Variants in KCNN3 observed in about 807,000 individuals in gnomAD.
The protein encoded by KCNN3 is small conductance calcium-activated potassium channel protein 3.
In KCNN3, 16 loss-of-function variants were observed where a neutral mutation model predicts 62.9. The ratio of observed to expected loss-of-function variants is 0.25; its 90% CI spans 0.17 to 0.39. The LOEUF is 0.39. Among genes scored for constraint, KCNN3 ranks in the 10% least tolerant of loss-of-function variants. The probability of loss-of-function intolerance (pLI) is 1.00; values close to 1 mark genes in which losing one functional copy is unlikely to be tolerated. For synonymous variants in KCNN3, 370 were observed against 389.2 expected, an observed-to-expected ratio of 0.95 and a Z score of 0.58; for missense variants, 599 against 949.4, an observed-to-expected ratio of 0.63 and a Z score of 4.85.
chr1:154,749,880 A>G (rs967200534), intron 3 of KCNN3, among the ~76,000 whole-genome samples: 8 of 152,140 alleles, frequency 5.3e-5, no homozygotes, highest in African/African-American at 1.7e-4. Context: ...CTCCCGGACC[A>G]CAAGCAGCCT....
At chr1:154,714,612 G>GTGTGTGGGTGTGT (rs1553227050) in intron 6 of KCNN3, among the ~76,000 whole-genome samples, 2 of 24,858 alleles carry the variant, frequency 8.0e-5, no homozygotes, top group East Asian at 2.5e-3. Flanking sequence ...TGTGGTGTGT[G>GTGTGTGGGTGTGT]GTGTGTGTGT....
At chr1:154,805,495 CAG>C (rs1650134488) in intron 2 of KCNN3, among the ~76,000 whole-genome samples, 1 of 152,202 alleles carries the variant, frequency 6.6e-6, no homozygotes, top group African/African-American at 2.4e-5. Flanking sequence ...AGCACTGGTT[CAG>C]AGTTTATGCA....
In KCNN3 at chr1:154,772,511, C is replaced by G; in HGVS notation, c.1030-118G>C. The G allele has an allele frequency of 1.1e-6, 1 of 916,656 alleles. No individual in the cohort carries two copies. Among genetic ancestry groups the G allele is most frequent in the Admixed American group, 2.0e-5 (1 of 50,340 alleles). The allele number at this position is 916,656 out of a possible 1,614,324, so 56.8% of individuals were successfully genotyped here. ...GCTGGGCTCAGGTCAGCCTGACCAC[C>G]TCAGCATGCTCTTTAGGGGCCTTGC... On this transcript the variant is annotated intron_variant, in intron 2 of 7. Transcript: ENST00000271915. The surrounding 1 kb of genome is among the most constrained non-coding windows in gnomAD (Gnocchi z 5.6).
intron 1 of KCNN3, among the ~76,000 whole-genome samples, chr1:154,828,320 T>C (rs890945814): frequency 9.2e-5 from 14 of 151,490 alleles, no homozygotes; most frequent in African/African-American, 1.9e-4. Context: ...AAACAGGTCA[T>C]AGGGACATGT....
chr1:154,724,219 T>C (rs1341436831), intron 5 of KCNN3, among the ~76,000 whole-genome samples: 1 of 152,222 alleles, frequency 6.6e-6, no homozygotes, highest in African/African-American at 2.4e-5. Context: ...CGCTGCACAC[T>C]CTCCCACTGC....
intron 1 of KCNN3, among the ~76,000 whole-genome samples, chr1:154,856,315 G>A (rs947054627): frequency 9.9e-5 from 15 of 152,276 alleles, no homozygotes; most frequent in African/African-American, 2.2e-4. Flanking sequence ...CCTTAGCCAC[G>A]ATGTCTTCAC....
chr1:154,785,542 G>T (rs2101855624), intron 2 of KCNN3, among the ~76,000 whole-genome samples: 1 of 141,684 alleles, frequency 7.1e-6, no homozygotes, highest in African/African-American at 2.7e-5. Flanking sequence ...AGTCCAACTT[G>T]TTGGCTGGGG....
At chr1:154,723,521 C>T (rs1003038756) in intron 5 of KCNN3, among the ~76,000 whole-genome samples, 1 of 152,194 alleles carries the variant, frequency 6.6e-6, no homozygotes, top group African/African-American at 2.4e-5. Flanking sequence ...GTCTCATCTT[C>T]TACAATTATA....
intron 2 of KCNN3, among the ~76,000 whole-genome samples, chr1:154,792,682 G>A (rs192231103): frequency 3.8e-4 from 58 of 152,324 alleles, no homozygotes; most frequent in Non-Finnish European, 8.1e-4. Context: ...CGGAAAGAGA[G>A]AGAATTTGAG....
rs1470254610 is a variant in KCNN3 at position 154,870,067 on chromosome 1, C to T, written c.-103G>A. 3 of 1,343,720 alleles carry T rather than the reference C, an allele frequency of 2.2e-6. No individual in the cohort carries two copies. Among genetic ancestry groups the T allele is most frequent in the Non-Finnish European group, 3.1e-6 (3 of 957,906 alleles). 83.2% of individuals were successfully genotyped at this position (1,343,720 alleles called of 1,614,324 possible). The stretch of plus-strand genomic sequence containing the variant: ...AAGCCAGGCATCCAATCTCCCCCAC[C>T]AGTATCTTGGCTCCAGTCCTCTCTT... On this transcript the variant is annotated 5_prime_UTR_variant, in exon 1 of 8. Coordinates refer to ENST00000271915, the MANE Select transcript of KCNN3 (RefSeq NM_002249.6).
Position 154,760,439 on chromosome 1 carries a change from TCG to T in KCNN3, c.1448+11534_1448+11535del, listed in dbSNP as rs1345407818. 5.3e-5 allele frequency among the ~76,000 whole-genome samples: 8 copies of T among 150,834 alleles called. 1 individual carries two copies. In the South Asian group the frequency reaches 1.7e-3, roughly 32 times the overall value. ...AGGTGAAATCAGAATGGGATCCCAC[TCG>T]AGACAGGAGCCAGGAGCTAGCAGCA... On this transcript the variant is annotated intron_variant, in intron 3 of 7. Transcript: ENST00000271915.
At chr1:154,714,331 TG>T (rs1700169235) in intron 6 of KCNN3, among the ~76,000 whole-genome samples, 1 of 25,478 alleles carries the variant, frequency 3.9e-5, no homozygotes, top group African/African-American at 1.7e-4. Context: ...TGTGTGTGTG[TG>T]GTGTTTGTGT....
At chr1:154,754,953 A>G (rs1557958791) in intron 3 of KCNN3, among the ~76,000 whole-genome samples, 1 of 152,344 alleles carries the variant, frequency 6.6e-6, no homozygotes, top group East Asian at 1.9e-4. Flanking sequence ...GTGGGACATC[A>G]GTACAGGAGA....
At chr1:154,771,811 C>T in intron 3 of KCNN3, 164 bp downstream of exon 3, 5 of 748,354 alleles carry the variant, frequency 6.7e-6, no homozygotes, top group Non-Finnish European at 1.2e-5. Context: ...CTAGCTCATA[C>T]TGAACCCCAA....
chr1:154,835,186 C>A (rs1221554147), intron 1 of KCNN3, among the ~76,000 whole-genome samples: 6 of 152,178 alleles, frequency 3.9e-5, no homozygotes, highest in South Asian at 2.1e-4. Context: ...TCGAGGGTTC[C>A]CACGGGCTTA....
At chr1:154,714,432 G>A (rs1457207738) in intron 6 of KCNN3, among the ~76,000 whole-genome samples, 2 of 135,008 alleles carry the variant, frequency 1.5e-5, no homozygotes, top group Admixed American at 7.7e-5. Context: ...GATGTGTGGT[G>A]TGTGGGGGGT....
At chr1:154,786,704 A>G (rs1454594302) in intron 2 of KCNN3, among the ~76,000 whole-genome samples, 4 of 152,222 alleles carry the variant, frequency 2.6e-5, no homozygotes, top group African/African-American at 9.6e-5. Context: ...AATTGTTAAC[A>G]CTGGTACTAC....
intron 7 of KCNN3, among the ~76,000 whole-genome samples, chr1:154,711,239 A>G (rs989171003): frequency 8.7e-5 from 13 of 150,186 alleles, no homozygotes; most frequent in Non-Finnish European, 1.3e-4. Context: ...AAACTATCGC[A>G]AGGACAAAAA....
chr1:154,775,116 T>C (rs1557969751), intron 2 of KCNN3, among the ~76,000 whole-genome samples: 1 of 152,194 alleles, frequency 6.6e-6, no homozygotes, highest in African/African-American at 2.4e-5. Flanking sequence ...CCCAACTGTC[T>C]CCTTGATGGT....
Sources: allele counts gnomAD v4.1 joint callset (sites outside exome capture counted in the v4.1 genomes callset), GRCh38; gene constraint gnomAD v4.1.1; non-coding constraint Gnocchi (gnomAD v3.1); transcripts MANE v1.5; gene names NCBI Gene and HGNC (gene_info 2026-07-23, HGNC 2026-07-21).